Variants in B3GALNT2 observed in about 807,000 individuals in gnomAD.
B3GALNT2 encodes UDP-GalNAc:beta-1,3-N-acetylgalactosaminyltransferase 2.
B3GALNT2 carries 53 observed loss-of-function variants against 61.1 expected under a neutral mutation model. That is an observed-to-expected ratio of 0.87 (90% CI 0.70 to 1.09). The LOEUF (loss-of-function observed/expected upper bound fraction) is 1.09, where lower values mean the gene tolerates loss of function less well. Among genes scored for constraint, B3GALNT2 ranks in the 50% least tolerant of loss-of-function variants. The probability of loss-of-function intolerance (pLI) is 0.00; values close to 1 mark genes in which losing one functional copy is unlikely to be tolerated. For missense variants in B3GALNT2, 544 were observed against 623.0 expected, an observed-to-expected ratio of 0.87 and a Z score of 1.35; for synonymous variants, 223 against 237.4, an observed-to-expected ratio of 0.94 and a Z score of 0.56.
intron 2 of B3GALNT2, among the ~76,000 whole-genome samples, chr1:235,491,343 A>C (rs145805507): frequency 6.6e-6 from 1 of 152,334 alleles, no homozygotes; most frequent in African/African-American, 2.4e-5. Context: ...AACTGGTTTC[A>C]TGGAATTTAC....
intron 1 of B3GALNT2, chr1:235,496,339 T>C: frequency 9.9e-7 from 1 of 1,010,566 alleles, no homozygotes; most frequent in Non-Finnish European, 1.2e-6. Context: ...CCATTCCAAA[T>C]GGAATAGAGG....
At chr1:235,461,705 T>TG (rs1413616352) in intron 7 of B3GALNT2, among the ~76,000 whole-genome samples, 2 of 151,596 alleles carry the variant, frequency 1.3e-5, no homozygotes, top group African/African-American at 4.8e-5. Flanking sequence ...TTAGTATAGA[T>TG]GGGGTTTCAC....
intron 7 of B3GALNT2, chr1:235,463,484 T>A (rs1290935474): frequency 6.6e-6 from 1 of 150,976 alleles, no homozygotes; most frequent in Non-Finnish European, 1.5e-5. Flanking sequence ...GATCATAAAA[T>A]TCATATGGAA....
chr1:235,444,200 A>G (rs1682090199), downstream of B3GALNT2, among the ~76,000 whole-genome samples: 1 of 152,210 alleles, frequency 6.6e-6, no homozygotes, highest in Non-Finnish European at 1.5e-5. Flanking sequence ...ATTGATAACC[A>G]TCCATTTAAT....
At chr1:235,468,932 T>C (rs536994839) in intron 6 of B3GALNT2, among the ~76,000 whole-genome samples, 2 of 152,344 alleles carry the variant, frequency 1.3e-5, no homozygotes, top group South Asian at 2.1e-4. Context: ...AAGTGGTGTG[T>C]GTGTTTACTA....
At chr1:235,440,379 C>T in the B3GALNT2 span, among the ~76,000 whole-genome samples, 1 of 151,998 alleles carries the variant, frequency 6.6e-6, no homozygotes, top group African/African-American at 2.4e-5. Flanking sequence ...CAGTTTATGT[C>T]TGAGGCATCC....
intron 1 of B3GALNT2, among the ~76,000 whole-genome samples, chr1:235,502,329 GATT>G (rs1282988601): frequency 6.6e-6 from 1 of 152,084 alleles, no homozygotes; most frequent in Non-Finnish European, 1.5e-5. Flanking sequence ...GTTTAACTTA[GATT>G]ATTAAAATAT....
At position 235,449,384 on chromosome 1, in the gene B3GALNT2, G is replaced by A. The variant is rs1205687884; in HGVS notation, c.*822C>T. Reference sequence around the variant, plus strand: ...AGGTAAACATTAGGCAATGATAGGAGGAAAGCAAAACTAATTCTTTCAAAA... The same window carrying A: ...AGGTAAACATTAGGCAATGATAGGAAGAAAGCAAAACTAATTCTTTCAAAA... On this transcript the variant is annotated 3_prime_UTR_variant, in exon 12 of 12. Coordinates refer to ENST00000366600, the MANE Select transcript of B3GALNT2 (RefSeq NM_152490.5). 2.0e-5 allele frequency: 3 copies of A among 153,108 alleles called. No individual in the cohort carries two copies. Among genetic ancestry groups the A allele is most frequent in the South Asian group, 2.0e-4 (1 of 4,908 alleles). 9.5% of individuals were successfully genotyped at this position (153,108 alleles called of 1,614,324 possible). A position where few individuals can be genotyped will look rare whatever the true frequency, so the allele number is the denominator to read the frequency against.
chr1:235,465,175 CCATT>C (rs1482676725), intron 7 of B3GALNT2: 2 of 152,510 alleles, frequency 1.3e-5, no homozygotes, highest in African/African-American at 4.8e-5. Context: ...AAATGTCCAT[CCATT>C]AATGAATGAA....
intron 1 of B3GALNT2, chr1:235,496,282 G>T: frequency 4.6e-6 from 3 of 653,008 alleles, no homozygotes; most frequent in Non-Finnish European, 6.2e-6. Context: ...TTGCACTCCA[G>T]CCTGGGCAAC....
the B3GALNT2 span, chr1:235,440,899 C>G: frequency 1.3e-5 from 2 of 152,212 alleles, no homozygotes; most frequent in East Asian, 3.8e-4. Context: ...ATGTACTTTC[C>G]ATTTTGTTTT....
rs1684715983 is a variant in B3GALNT2 at position 235,484,616 on chromosome 1, A to T, written c.362-101T>A. The T allele has an allele frequency of 2.1e-6, 3 of 1,411,956 alleles. No individual in the cohort carries two copies. The South Asian group carries it at 5.5e-5, about 26-fold the overall frequency. 87.5% of individuals were successfully genotyped at this position (1,411,956 alleles called of 1,614,324 possible). ...GCTTAATGCCAAAACCTAGGTAATCATTTGCTATATAATTCACAAATGGCA... is the reference window on the plus strand; with the variant it reads ...GCTTAATGCCAAAACCTAGGTAATCTTTTGCTATATAATTCACAAATGGCA... On this transcript the variant is annotated intron_variant, in intron 3 of 11. Coordinates refer to ENST00000366600, the MANE Select transcript of B3GALNT2 (RefSeq NM_152490.5).
chr1:235,461,209 C>T (rs1343444721), intron 7 of B3GALNT2, among the ~76,000 whole-genome samples: 1 of 152,220 alleles, frequency 6.6e-6, no homozygotes, highest in East Asian at 1.9e-4. Context: ...TGACTTCTGC[C>T]TCTCATGACT....
At chr1:235,444,908 G>A (rs867099662), downstream of B3GALNT2, among the ~76,000 whole-genome samples, 3 of 152,262 alleles carry the variant, frequency 2.0e-5, no homozygotes, top group African/African-American at 7.2e-5. Flanking sequence ...AAGGCCTGCC[G>A]TCTGGGCATA....
rs140081469 is a variant in B3GALNT2 at position 235,479,986 on chromosome 1, C to T, written c.651+68G>A. 34 of 1,585,428 alleles carry T rather than the reference C, an allele frequency of 2.1e-5. No homozygotes were observed. The African/African-American group carries it at 3.9e-4, about 18-fold the overall frequency. ...ACAAGAAAATATCAAGTGCCTGCCC[C>T]TGAAAGCACACGCCCACTCCTATGA... On this transcript the variant is annotated intron_variant, in intron 5 of 11. Coordinates refer to ENST00000366600, the MANE Select transcript of B3GALNT2 (RefSeq NM_152490.5).
intron 5 of B3GALNT2, among the ~76,000 whole-genome samples, chr1:235,475,735 T>C (rs1198827645): frequency 6.6e-6 from 1 of 152,210 alleles, no homozygotes; most frequent in Non-Finnish European, 1.5e-5. Flanking sequence ...TATATGTTTA[T>C]TATGGAACAT....
intron 3 of B3GALNT2, among the ~76,000 whole-genome samples, chr1:235,487,402 G>T (rs1441227918): frequency 1.3e-5 from 2 of 152,052 alleles, no homozygotes; most frequent in Non-Finnish European, 2.9e-5. Context: ...CACCTTCTAG[G>T]AACTATTATT....
intron 3 of B3GALNT2, among the ~76,000 whole-genome samples, chr1:235,488,874 C>T (rs977452280): frequency 1.5e-4 from 23 of 151,704 alleles, no homozygotes; most frequent in Non-Finnish European, 2.6e-4. Context: ...GACAAGACAG[C>T]GAGACCTCAA....
At position 235,504,333 on chromosome 1, in the gene B3GALNT2, G is replaced by A. The variant is rs560555461; in HGVS notation, c.-81C>T. 5.5e-5 allele frequency: 78 copies of A among 1,405,798 alleles called. No individual in the cohort carries two copies. In the East Asian group the frequency reaches 2.0e-3, roughly 36 times the overall value. The allele number at this position is 1,405,798 out of a possible 1,614,324, so 87.1% of individuals were successfully genotyped here. ...CCTGCAAGTGCGGAGACTGAGGGGC[G>A]GCGGCTGACGAGCGACCACTCCGAG... is the stretch of plus-strand genomic sequence containing the variant. On this transcript the variant is annotated 5_prime_UTR_variant, in exon 1 of 12. Coordinates refer to ENST00000366600, the MANE Select transcript of B3GALNT2 (RefSeq NM_152490.5).
Sources: gnomAD v4.1 joint callset for allele counts (sites outside exome capture counted in the v4.1 genomes callset) on GRCh38, gnomAD v4.1.1 for gene constraint, MANE v1.5 for transcripts, NCBI Gene and HGNC (gene_info 2026-07-23, HGNC 2026-07-21) for gene names.